MTSS1: variants seen among roughly 807,000 people sequenced by gnomAD.
MTSS1 encodes the protein protein MTSS 1.
Under a neutral mutation model 79.0 loss-of-function variants are expected in MTSS1, and 18 were observed. The observed-to-expected ratio is 0.23, with a 90% CI of 0.16 to 0.34. The LOEUF (loss-of-function observed/expected upper bound fraction) is 0.34. Ranked by LOEUF, MTSS1 falls within the 10% of genes least tolerant of loss-of-function variation. The probability of loss-of-function intolerance (pLI) is 1.00; values close to 1 mark genes in which losing one functional copy is unlikely to be tolerated. For missense variants in MTSS1, 815 were observed against 986.2 expected, an observed-to-expected ratio of 0.83 and a Z score of 2.33; for synonymous variants, 341 against 368.6, an observed-to-expected ratio of 0.93 and a Z score of 0.86.
chr8:124,667,847 G>A (rs963316873), intron 3 of MTSS1, among the ~76,000 whole-genome samples: 2 of 152,046 alleles, frequency 1.3e-5, no homozygotes, highest in African/African-American at 2.4e-5. Context: ...GGAGGCCAGG[G>A]TGGGAGGATT....
At chr8:124,580,694 G>GCCA in intron 6 of MTSS1, 1 of 1,057,666 alleles carries the variant, frequency 9.5e-7, no homozygotes, top group Non-Finnish European at 1.4e-6. Context: ...TCCATGGCTC[G>GCCA]CCACCAAATT....
intron 3 of MTSS1, among the ~76,000 whole-genome samples, chr8:124,649,109 C>T (rs1587569556): frequency 6.6e-6 from 1 of 152,262 alleles, no homozygotes; most frequent in East Asian, 1.9e-4. Context: ...AGCTGGCAAA[C>T]TATGGCAGCA....
intron 5 of MTSS1, among the ~76,000 whole-genome samples, chr8:124,588,960 C>T (rs1361834213): frequency 6.6e-6 from 1 of 151,874 alleles, no homozygotes; most frequent in Non-Finnish European, 1.5e-5. Flanking sequence ...AGTGATCTGC[C>T]CACCTGAGCC....
intron 3 of MTSS1, among the ~76,000 whole-genome samples, chr8:124,639,186 A>G (rs868388500): frequency 1.3e-5 from 2 of 152,046 alleles, no homozygotes; most frequent in South Asian, 4.2e-4. Context: ...AAAATACAAA[A>G]ATTAGCCGGG....
chr8:124,589,504 G>T, intron 5 of MTSS1, 116 bp downstream of exon 5: 1 of 722,274 alleles, frequency 1.4e-6, no homozygotes, highest in South Asian at 1.9e-5. Flanking sequence ...GACAGAGTGG[G>T]CCCTTGGCTG....
At chr8:124,699,669 C>T in intron 2 of MTSS1, 70 bp from the exon 3 acceptor site, 1 of 1,368,714 alleles carries the variant, frequency 7.3e-7, no homozygotes, top group Admixed American at 1.7e-5. Context: ...AGCTCAAGGC[C>T]TAAAACCTCT....
chr8:124,680,143 T>C (rs1825901234), intron 3 of MTSS1, among the ~76,000 whole-genome samples: 1 of 152,198 alleles, frequency 6.6e-6, no homozygotes, highest in Admixed American at 6.5e-5. Context: ...ACATGAAGCA[T>C]GAAAGGCAGA....
intron 3 of MTSS1, among the ~76,000 whole-genome samples, chr8:124,631,069 G>A (rs992350070): frequency 1.3e-5 from 2 of 152,218 alleles, no homozygotes; most frequent in Non-Finnish European, 2.9e-5. Flanking sequence ...GGAGGACTGA[G>A]AGCACTTGAG....
intron 3 of MTSS1, among the ~76,000 whole-genome samples, chr8:124,676,136 C>T (rs994006147): frequency 6.6e-6 from 1 of 152,124 alleles, no homozygotes; most frequent in African/African-American, 2.4e-5. Context: ...AAGTCGGGCA[C>T]ATGAAGCGTT....
chr8:124,585,199 T>G, intron 5 of MTSS1, 38 bp from the exon 6 acceptor site: 2 of 1,495,876 alleles, frequency 1.3e-6, no homozygotes, highest in Non-Finnish European at 1.8e-6. Context: ...TTTACCACTT[T>G]GCTTAACAGA....
In MTSS1 at chr8:124,656,059, G is replaced by A. The variant is rs74538789; in HGVS notation, c.208+43467C>T. Among the ~76,000 whole-genome samples, 620 of 152,326 alleles carry A rather than the reference G, an allele frequency of 4.1e-3. 2 individuals carry two copies. The highest frequency in any genetic ancestry group is 0.014 in the African/African-American group (577 of 41,590). ...AATCAGAAGGAGAAAAAAACCTAATGTGTCTTGAGCATTGAATCTGACTGT... is the reference window on the plus strand; with the variant it reads ...AATCAGAAGGAGAAAAAAACCTAATATGTCTTGAGCATTGAATCTGACTGT... On this transcript the variant is annotated intron_variant, in intron 3 of 13. Coordinates refer to ENST00000518547, the MANE Select transcript of MTSS1 (RefSeq NM_014751.6).
At chr8:124,679,858 C>T (rs1021606312) in intron 3 of MTSS1, among the ~76,000 whole-genome samples, 20 of 152,180 alleles carry the variant, frequency 1.3e-4, no homozygotes, top group African/African-American at 3.1e-4. Context: ...AAAATTCATA[C>T]GATGCATTGT....
chr8:124,676,749 T>C (rs371113784), intron 3 of MTSS1, among the ~76,000 whole-genome samples: 19 of 152,280 alleles, frequency 1.2e-4, no homozygotes, highest in Admixed American at 2.6e-4. Context: ...GGGCTTCAAA[T>C]TCAGTATAAA....
chr8:124,643,415 T>C (rs1818416651), intron 3 of MTSS1, among the ~76,000 whole-genome samples: 1 of 151,862 alleles, frequency 6.6e-6, no homozygotes, highest in Admixed American at 6.6e-5. Context: ...AACAAAAATC[T>C]AGCCCGGCGC....
At chr8:124,671,045 C>CT (rs11368929) in intron 3 of MTSS1, among the ~76,000 whole-genome samples, 96,237 of 150,458 alleles carry the variant, frequency 0.64, 31,903 homozygotes, top group African/African-American at 0.82. Context: ...TTTCTTTTTT[C>CT]TTTTTCTTTT....
intron 3 of MTSS1, among the ~76,000 whole-genome samples, chr8:124,609,839 T>C (rs1408815901): frequency 6.6e-6 from 1 of 152,144 alleles, no homozygotes; most frequent in Non-Finnish European, 1.5e-5. Context: ...GACACTATCC[T>C]ATTCTGAAGA....
Position 124,585,121 on chromosome 8 carries a change from C to G in MTSS1, c.426G>C (p.Ser142=). 1 of 1,613,616 alleles carries G rather than the reference C, an allele frequency of 6.2e-7. No homozygotes were observed. The highest frequency in any genetic ancestry group is 1.3e-5 in the African/African-American group (1 of 74,966). ...KARQEIKKKS[S]DTLKLQKKAK... ...CTTTCTTCTGCAGTTTCAGCGTATC[C>G]GAGGACTTCTTTTTTATCTCTTGGC... Residue 142 remains serine, a synonymous_variant, in exon 6 of 14, where the codon TCG becomes TCC. Transcript: ENST00000518547.
intron 6 of MTSS1, among the ~76,000 whole-genome samples, chr8:124,583,406 A>G (rs1353315843): frequency 2.0e-5 from 3 of 152,190 alleles, no homozygotes; most frequent in African/African-American, 7.2e-5. Flanking sequence ...CAGTGCTAGG[A>G]AGGTCTAATT....
Position 124,727,840 on chromosome 8 carries a change from A to T in MTSS1, c.72+44T>A. 1 of 1,527,512 alleles carries T rather than the reference A, an allele frequency of 6.5e-7. No individual in the cohort carries two copies. The highest frequency in any genetic ancestry group is 1.8e-4 in the Middle Eastern group (1 of 5,636). 94.6% of individuals were successfully genotyped at this position (1,527,512 alleles called of 1,614,324 possible). Reference sequence around the variant, plus strand: ...GGAGGCGAAGCGCGGCGGCGAGGTCAGAGCGCGGCGGCCGGCGCCGCAGCC... The same window carrying T: ...GGAGGCGAAGCGCGGCGGCGAGGTCTGAGCGCGGCGGCCGGCGCCGCAGCC... On this transcript the variant is annotated intron_variant, in intron 1 of 13. Transcript: ENST00000518547. This position sits in a 1 kb window ranked among gnomAD's most constrained non-coding sequence, Gnocchi z 4.7.
Sources: gnomAD v4.1 joint callset for allele counts (sites outside exome capture counted in the v4.1 genomes callset) on GRCh38, gnomAD v4.1.1 for gene constraint, Gnocchi (gnomAD v3.1) non-coding constraint, MANE v1.5 for transcripts, NCBI Gene and HGNC (gene_info 2026-07-23, HGNC 2026-07-21) for gene names.